The following NFAM1 variants were observed in gnomAD, a reference collection of about 807,000 sequenced individuals.
NFAM1 encodes NFAT activation molecule 1.
NFAM1 carries 17 observed loss-of-function variants against 29.0 expected under a neutral mutation model. The ratio of observed to expected loss-of-function variants is 0.59; its 90% CI spans 0.40 to 0.88. The LOEUF (loss-of-function observed/expected upper bound fraction) is 0.88, where lower values mean the gene tolerates loss of function less well. Ranked by LOEUF, NFAM1 falls within the 40% of genes least tolerant of loss-of-function variation. The probability of loss-of-function intolerance (pLI) is 0.00; values close to 1 mark genes in which losing one functional copy is unlikely to be tolerated. For synonymous variants in NFAM1, 175 were observed against 147.2 expected, an observed-to-expected ratio of 1.19 and a Z score of -1.36; for missense variants, 324 against 344.6, an observed-to-expected ratio of 0.94 and a Z score of 0.47.
At chr22:42,394,839 C>T (rs1005531059) in intron 4 of NFAM1, among the ~76,000 whole-genome samples, 1 of 152,142 alleles carries the variant, frequency 6.6e-6, no homozygotes, top group Non-Finnish European at 1.5e-5. Flanking sequence ...AGGATTGGGC[C>T]GGGTGCGGTG....
At chr22:42,410,563 G>A (rs1930048261) in intron 2 of NFAM1, 2 of 273,326 alleles carry the variant, frequency 7.3e-6, no homozygotes, top group Admixed American at 4.6e-5. Context: ...GGAGGCTGAG[G>A]CATGAGAATC....
intron 4 of NFAM1, among the ~76,000 whole-genome samples, chr22:42,392,132 A>G (rs1929365848): frequency 6.6e-6 from 1 of 152,066 alleles, no homozygotes; most frequent in Admixed American, 6.6e-5. Context: ...GAAGGGAATG[A>G]AGAAGAAAAA....
At chr22:42,424,906 T>C (rs558381525) in intron 1 of NFAM1, among the ~76,000 whole-genome samples, 1,580 of 142,544 alleles carry the variant, frequency 0.011, 28 homozygotes, top group African/African-American at 0.04. Context: ...TCTTTCTTTC[T>C]TTTCGTATTT....
chr22:42,397,840 G>A lies in NFAM1; in HGVS notation c.663+18C>T, dbSNP rs118102464. 145 of 1,516,540 alleles carry A rather than the reference G, an allele frequency of 9.6e-5. No homozygotes were observed. The East Asian group carries it at 2.7e-3, about 28-fold the overall frequency. 93.9% of individuals were successfully genotyped at this position (1,516,540 alleles called of 1,614,324 possible). Reference sequence around the variant, plus strand: ...AGGCCTGAAAGAGGTGGAGGGAGCCGGGGGCCCCGGGACTCACTGTGTAGA... The same window carrying A: ...AGGCCTGAAAGAGGTGGAGGGAGCCAGGGGCCCCGGGACTCACTGTGTAGA... On this transcript the variant is annotated intron_variant, in intron 4 of 5. Transcript: ENST00000329021.
intron 1 of NFAM1, among the ~76,000 whole-genome samples, chr22:42,425,513 C>A (rs1930594568): frequency 6.6e-6 from 1 of 152,138 alleles, no homozygotes; most frequent in Admixed American, 6.5e-5. Flanking sequence ...CTCTGTCCTC[C>A]CCTCCTTACC....
intron 1 of NFAM1, among the ~76,000 whole-genome samples, chr22:42,426,768 GC>G (rs1285588802): frequency 6.6e-6 from 1 of 152,142 alleles, no homozygotes; most frequent in Non-Finnish European, 1.5e-5. Flanking sequence ...GCCCAGAGAA[GC>G]CTGGTGGGCA....
At position 42,386,246 on chromosome 22, in the gene NFAM1, C is replaced by T. The variant is rs995242270; in HGVS notation, c.753+743G>A. Among the ~76,000 whole-genome samples, 9 of 151,830 alleles carry T rather than the reference C, an allele frequency of 5.9e-5. No homozygotes were observed. The East Asian group carries it at 7.7e-4, about 13-fold the overall frequency. On this transcript the variant is annotated intron_variant, in intron 5 of 5. Coordinates refer to ENST00000329021, the MANE Select transcript of NFAM1 (RefSeq NM_145912.8). ...AAAATTAGCTGGGCACAGGGGCGGG[C>T]GCCTGTAATCCCAGCTACTCGGGAG... is the stretch of plus-strand genomic sequence containing the variant.
chr22:42,414,299 C>G (rs1601753248), intron 1 of NFAM1, among the ~76,000 whole-genome samples: 1 of 152,116 alleles, frequency 6.6e-6, no homozygotes, highest in Non-Finnish European at 1.5e-5. Flanking sequence ...TATCTCCGGA[C>G]TCTACTGCAG....
At chr22:42,424,083 G>A (rs1358411109) in intron 1 of NFAM1, among the ~76,000 whole-genome samples, 5 of 151,714 alleles carry the variant, frequency 3.3e-5, no homozygotes, top group Non-Finnish European at 7.4e-5. Flanking sequence ...TTACAGATGT[G>A]AGCCATCACA....
chr22:42,429,969 G>A (rs1408249937), intron 1 of NFAM1, among the ~76,000 whole-genome samples: 3 of 152,168 alleles, frequency 2.0e-5, no homozygotes, highest in Non-Finnish European at 4.4e-5. Flanking sequence ...GTAGGACAAA[G>A]AGCGGGTTGG....
rs1166383813 is a variant in NFAM1 at position 42,432,369 on chromosome 22, C to A, written c.-12G>T. 1.3e-6 allele frequency: 2 copies of A among 1,558,918 alleles called. No homozygotes were observed. Among genetic ancestry groups the A allele is most frequent in the East Asian group, 4.7e-5 (2 of 42,578 alleles). On this transcript the variant is annotated 5_prime_UTR_variant, in exon 1 of 6. Transcript: ENST00000329021. The stretch of plus-strand genomic sequence containing the variant: ...GGCTGGTTCTCCATCTGGGGGCCTG[C>A]TTGTCTGCGGCGACTCTTTAGTTCA...
At chr22:42,437,246 G>T (rs1466595838), upstream of NFAM1, among the ~76,000 whole-genome samples, 3 of 150,328 alleles carry the variant, frequency 2.0e-5, no homozygotes, top group Non-Finnish European at 4.4e-5. Flanking sequence ...AGGTTCAAGT[G>T]ATTCTCCTGT....
rs550628605 is a variant in NFAM1, at chr22:42,384,644, G to T, written c.*517C>A. ...GCCAGCCCCTGCTCCCACCCTGCCT[G>T]GCTGCCTCGTGCCTCTGGCCCAGCT... is the stretch of plus-strand genomic sequence containing the variant. On this transcript the variant is annotated 3_prime_UTR_variant, in exon 6 of 6. Coordinates refer to ENST00000329021, the MANE Select transcript of NFAM1 (RefSeq NM_145912.8). The T allele has an allele frequency of 2.4e-4, 40 of 169,404 alleles. 2 individuals carry two copies. The South Asian group carries it at 5.6e-3, about 24-fold the overall frequency. 10.5% of individuals were successfully genotyped at this position (169,404 alleles called of 1,614,324 possible).
intron 4 of NFAM1, among the ~76,000 whole-genome samples, chr22:42,390,379 G>T (rs2147091422): frequency 6.6e-6 from 1 of 152,266 alleles, no homozygotes; most frequent in African/African-American, 2.4e-5. Flanking sequence ...CACAGTAAAA[G>T]GTAGCCATGA....
At chr22:42,431,494 GC>G (rs1251784561) in intron 1 of NFAM1, among the ~76,000 whole-genome samples, 3 of 152,186 alleles carry the variant, frequency 2.0e-5, no homozygotes, top group African/African-American at 7.2e-5. Context: ...AATTCACTGA[GC>G]CCTCGTGCTG....
intron 3 of NFAM1, among the ~76,000 whole-genome samples, chr22:42,403,444 G>A (rs1929792770): frequency 1.3e-5 from 2 of 152,226 alleles, no homozygotes; most frequent in Non-Finnish European, 2.9e-5. Context: ...CTGGAGTGCA[G>A]TGGTGCAATC....
intron 3 of NFAM1, among the ~76,000 whole-genome samples, chr22:42,398,383 TTATTATTATTATTA>T (rs1393665602): frequency 4.9e-5 from 1 of 20,328 alleles, no homozygotes; most frequent in East Asian, 1.2e-3. Flanking sequence ...TTGGTTTTAT[TTATTATTATTATTA>T]TTATTATTAT....
chr22:42,387,197 C>A, intron 4 of NFAM1, 119 bp from the exon 5 acceptor site: 1 of 560,976 alleles, frequency 1.8e-6, no homozygotes, highest in Non-Finnish European at 3.1e-6. Context: ...GAGGGTGAAG[C>A]CCAGCCACAC....
At chr22:42,436,689 G>T (rs954023818), upstream of NFAM1, among the ~76,000 whole-genome samples, 2 of 152,190 alleles carry the variant, frequency 1.3e-5, no homozygotes, top group African/African-American at 4.8e-5. Context: ...AGTTCTAAAG[G>T]CTTTTCTTGT....
Sources: gnomAD v4.1 joint callset for allele counts (sites outside exome capture counted in the v4.1 genomes callset) on GRCh38, gnomAD v4.1.1 for gene constraint, MANE v1.5 for transcripts, NCBI Gene and HGNC (gene_info 2026-07-23, HGNC 2026-07-21) for gene names.